RIMS1: variants seen among roughly 807,000 people sequenced by gnomAD.
RIMS1 encodes the protein regulating synaptic membrane exocytosis protein 1.
Under a neutral mutation model 214.1 loss-of-function variants are expected in RIMS1, and 83 were observed. That is an observed-to-expected ratio of 0.39 (90% CI 0.32 to 0.47). The LOEUF is 0.47. Among genes scored for constraint, RIMS1 ranks in the 20% least tolerant of loss-of-function variants. The probability of loss-of-function intolerance (pLI) is 0.99; values close to 1 mark genes in which losing one functional copy is unlikely to be tolerated. For missense variants in RIMS1, 2,050 were observed against 2,161.8 expected (o/e 0.95, Z 1.03); for synonymous variants, 793 against 786.8 (o/e 1.01, Z -0.13).
intron 24 of RIMS1, among the ~76,000 whole-genome samples, chr6:72,287,395 G>A (rs1469138030): frequency 6.6e-6 from 1 of 152,124 alleles, no homozygotes; most frequent in African/African-American, 2.4e-5. Context: ...AAGTCCATTT[G>A]CAGCAACAAA....
chr6:72,222,205 T>A (rs1269030062), intron 6 of RIMS1, among the ~76,000 whole-genome samples: 1 of 152,094 alleles, frequency 6.6e-6, no homozygotes, highest in African/African-American at 2.4e-5. Flanking sequence ...TGCTAATGGT[T>A]TGCAATTTTA....
intron 2 of RIMS1, among the ~76,000 whole-genome samples, chr6:71,983,446 T>G (rs1022886142): frequency 1.2e-4 from 15 of 128,744 alleles, no homozygotes; most frequent in Non-Finnish European, 1.9e-4. Flanking sequence ...AAAAAAAGGG[T>G]TTTTTTTATT....
intron 23 of RIMS1, among the ~76,000 whole-genome samples, chr6:72,281,130 A>G (rs373099520): frequency 1.2e-4 from 19 of 152,238 alleles, no homozygotes; most frequent in African/African-American, 4.3e-4. Context: ...ACTGTTGTTC[A>G]GATTATGGAC....
At chr6:71,994,996 G>A (rs1802947746) in intron 2 of RIMS1, among the ~76,000 whole-genome samples, 1 of 152,180 alleles carries the variant, frequency 6.6e-6, no homozygotes, top group Admixed American at 6.5e-5. Context: ...AGAAATAGAT[G>A]TTCTGAATTA....
intron 6 of RIMS1, among the ~76,000 whole-genome samples, chr6:72,221,324 T>TGTGTGTGTGTGTGA: frequency 7.1e-6 from 1 of 140,372 alleles, no homozygotes; most frequent in African/African-American, 2.8e-5. Context: ...GTGTGTGTGA[T>TGTGTGTGTGTGTGA]TTTTTTTTTC....
intron 2 of RIMS1, among the ~76,000 whole-genome samples, chr6:72,055,635 C>T (rs1382979026): frequency 6.6e-6 from 1 of 152,030 alleles, no homozygotes; most frequent in Non-Finnish European, 1.5e-5. Context: ...ATGATGTTGG[C>T]CATGGGTTTT....
chr6:72,304,333 G>A (rs1266743858), intron 26 of RIMS1, among the ~76,000 whole-genome samples: 3 of 151,648 alleles, frequency 2.0e-5, no homozygotes, highest in Non-Finnish European at 4.4e-5. Context: ...TTAAATGACA[G>A]TAATCTTTTT....
chr6:72,366,882 TTATATG>T, intron 29 of RIMS1: 2 of 976,482 alleles, frequency 2.0e-6, no homozygotes, highest in Non-Finnish European at 2.4e-6. Context: ...TCTATGTTCC[TTATATG>T]TATTTACTAA....
Position 72,265,497 on chromosome 6 carries a change from TG to T in RIMS1, c.3304del (p.Val1102LeufsTer19). On this transcript the variant is annotated frameshift_variant, in exon 21 of 34. Coordinates refer to ENST00000521978, the MANE Select transcript of RIMS1 (RefSeq NM_014989.7). LOFTEE classifies it high-confidence loss of function. The part of the protein sequence containing the change: ...STVLRFTDEI[L>X]VSELQPFLDR... ...GTATTGAGATTTACTGATGAAATACTGGTTAGGTAAGAACATTTGGAAGTGA... is the reference window on the plus strand; with the variant it reads ...GTATTGAGATTTACTGATGAAATACTGTTAGGTAAGAACATTTGGAAGTGA... The T allele has an allele frequency of 6.5e-7, 1 of 1,542,666 alleles. No individual in the cohort carries two copies. Among genetic ancestry groups the T allele is most frequent in the South Asian group, 1.1e-5 (1 of 88,292 alleles).
intron 6 of RIMS1, among the ~76,000 whole-genome samples, chr6:72,228,923 C>T (rs1242002209): frequency 1.3e-5 from 2 of 151,684 alleles, no homozygotes; most frequent in Non-Finnish European, 3.0e-5. Context: ...TGTTGAGTAT[C>T]TTTGGTGGTA....
rs965946032 is a variant in RIMS1, at chr6:72,041,804, C to T, written c.246-55145C>T. On this transcript the variant is annotated intron_variant, in intron 2 of 33. Coordinates refer to ENST00000521978, the MANE Select transcript of RIMS1 (RefSeq NM_014989.7). ...AACACATATCTTCCTTGTATTTCAT[C>T]GTTGAATCTTCACAATAACCCTATA... Among the ~76,000 whole-genome samples, 7 of 151,916 alleles carry T rather than the reference C, an allele frequency of 4.6e-5. No homozygotes were observed. In the East Asian group the frequency reaches 5.8e-4, roughly 13 times the overall value.
intron 2 of RIMS1, among the ~76,000 whole-genome samples, chr6:71,983,938 A>T (rs1334309777): frequency 6.6e-6 from 1 of 152,124 alleles, no homozygotes; most frequent in Non-Finnish European, 1.5e-5. Flanking sequence ...CTAAATTCCA[A>T]TGTCTGGATT....
At chr6:72,062,960 A>C (rs1402598980) in intron 2 of RIMS1, among the ~76,000 whole-genome samples, 2 of 152,056 alleles carry the variant, frequency 1.3e-5, no homozygotes, top group African/African-American at 4.8e-5. Context: ...TTTTAACTTA[A>C]TTACTTTATA....
intron 29 of RIMS1, among the ~76,000 whole-genome samples, chr6:72,339,176 G>C (rs2096953976): frequency 6.6e-6 from 1 of 151,792 alleles, no homozygotes; most frequent in South Asian, 2.1e-4. Flanking sequence ...TTCTTGAAGA[G>C]GTAAAGCCTG....
chr6:72,050,667 C>T (rs1824374625), intron 2 of RIMS1, among the ~76,000 whole-genome samples: 1 of 152,100 alleles, frequency 6.6e-6, no homozygotes, highest in South Asian at 2.1e-4. Context: ...CCTCCTGTGG[C>T]ATCCAGGGTG....
At chr6:72,189,350 T>C (rs2049675600) in intron 6 of RIMS1, among the ~76,000 whole-genome samples, 1 of 152,186 alleles carries the variant, frequency 6.6e-6, no homozygotes, top group Admixed American at 6.5e-5. Context: ...GTGAATTTCA[T>C]GAGCATGAGC....
chr6:72,074,434 TG>T (rs1450806496), intron 2 of RIMS1, among the ~76,000 whole-genome samples: 1 of 152,102 alleles, frequency 6.6e-6, no homozygotes, highest in African/African-American at 2.4e-5. Context: ...AAGTCTGAGG[TG>T]GGTGGATCAC....
At chr6:72,261,831 T>A (rs1432282987) in intron 19 of RIMS1, 17 of 984,976 alleles carry the variant, frequency 1.7e-5, no homozygotes, top group Non-Finnish European at 1.9e-5. Context: ...TTGCTTGGAG[T>A]GCCACAGGAA....
chr6:72,387,816 A>G (rs2098638709), intron 29 of RIMS1, among the ~76,000 whole-genome samples: 2 of 152,214 alleles, frequency 1.3e-5, no homozygotes, highest in South Asian at 2.1e-4. Flanking sequence ...TAGCATTTCA[A>G]CTTCTAGTAA....
Sources: gnomAD v4.1 joint callset for allele counts (sites outside exome capture counted in the v4.1 genomes callset) on GRCh38, gnomAD v4.1.1 for gene constraint, MANE v1.5 for transcripts, NCBI Gene and HGNC (gene_info 2026-07-23, HGNC 2026-07-21) for gene names.